Variants in TP63 observed in about 807,000 individuals in gnomAD.
TP63 encodes the protein tumor protein 63.
In TP63, 17 loss-of-function variants were observed where a neutral mutation model predicts 82.8. The observed-to-expected ratio is 0.21, with a 90% CI of 0.14 to 0.31. The LOEUF (loss-of-function observed/expected upper bound fraction) is 0.31. TP63 is among the 10% of genes least tolerant of loss of function. TP63 has a pLI of 1.00. For synonymous variants in TP63, 330 were observed against 321.7 expected (o/e 1.03, Z -0.28); for missense variants, 648 against 895.3 (o/e 0.72, Z 3.52).
chr3:189,733,300 A>G (rs2108787478), intron 1 of TP63, among the ~76,000 whole-genome samples: 1 of 152,310 alleles, frequency 6.6e-6, no homozygotes, highest in Middle Eastern at 3.4e-3. Context: ...TCTTCCTTCT[A>G]TGTAACACTC....
intron 1 of TP63, among the ~76,000 whole-genome samples, chr3:189,665,304 G>A (rs9872590): frequency 0.21 from 32,190 of 152,002 alleles, 4,162 homozygotes; most frequent in Admixed American, 0.31. Context: ...TTAAACATGT[G>A]TCAGCATGCC....
chr3:189,777,623 TC>T (rs1249314680), intron 3 of TP63, among the ~76,000 whole-genome samples: 1 of 151,986 alleles, frequency 6.6e-6, no homozygotes, highest in Non-Finnish European at 1.5e-5. Flanking sequence ...AGGATTCAAC[TC>T]CTTATCTCTT....
In TP63 at chr3:189,862,245, C is replaced by A. The variant is rs144129552; in HGVS notation, c.580-1987C>A. ...ATAAGAGACAGTATGCTTGTAATAC[C>A]TTCCTCTTAGGGTTGTATCAGGATA... On this transcript the variant is annotated intron_variant, in intron 4 of 13. Coordinates refer to ENST00000264731, the MANE Select transcript of TP63 (RefSeq NM_003722.5). Among the ~76,000 whole-genome samples, 109 of 152,170 alleles carry A rather than the reference C, an allele frequency of 7.2e-4. No homozygotes were observed. In the Middle Eastern group the frequency reaches 0.01, roughly 14 times the overall value.
intron 1 of TP63, chr3:189,645,248 C>T (rs990490942): frequency 6.3e-5 from 19 of 300,306 alleles, no homozygotes; most frequent in Non-Finnish European, 1.1e-4. Context: ...TCAAAATATT[C>T]GTACAGTATT....
intron 4 of TP63, among the ~76,000 whole-genome samples, chr3:189,809,873 G>A (rs1358959688): frequency 6.6e-5 from 10 of 152,150 alleles, no homozygotes; most frequent in Non-Finnish European, 1.2e-4. Flanking sequence ...TGAAGAAGTT[G>A]GAGGTTAAGT....
chr3:189,683,760 T>C (rs1156832768), intron 1 of TP63, among the ~76,000 whole-genome samples: 1 of 152,196 alleles, frequency 6.6e-6, no homozygotes, highest in Non-Finnish European at 1.5e-5. Context: ...GTCATTGCAG[T>C]AGCCTGCCAA....
intron 4 of TP63, among the ~76,000 whole-genome samples, chr3:189,857,381 A>C (rs1442740070): frequency 1.3e-5 from 2 of 152,202 alleles, no homozygotes; most frequent in Admixed American, 6.5e-5. Context: ...CAATTGACTG[A>C]AAATATAGTT....
chr3:189,673,788 C>G (rs945566647), intron 1 of TP63, among the ~76,000 whole-genome samples: 3 of 152,114 alleles, frequency 2.0e-5, no homozygotes, highest in South Asian at 2.1e-4. Context: ...TTAGCTTAAA[C>G]TCAGTTTCTA....
chr3:189,704,221 T>C (rs553940800), intron 1 of TP63, among the ~76,000 whole-genome samples: 4 of 152,368 alleles, frequency 2.6e-5, no homozygotes, highest in African/African-American at 7.2e-5. Context: ...GTGGCTGTCC[T>C]GCTCCAACCT....
At chr3:189,668,886 C>T (rs1195120841) in intron 1 of TP63, among the ~76,000 whole-genome samples, 1 of 151,802 alleles carries the variant, frequency 6.6e-6, no homozygotes, top group Non-Finnish European at 1.5e-5. Context: ...ACTGAGATTT[C>T]CCCCAGATTT....
At chr3:189,663,100 G>A (rs13075719) in intron 1 of TP63, among the ~76,000 whole-genome samples, 60,978 of 151,870 alleles carry the variant, frequency 0.4, 13,448 homozygotes, top group Middle Eastern at 0.64. Flanking sequence ...CCACAAAGTG[G>A]TTAAGATCCT....
chr3:189,863,990 T>C (rs1717374668), intron 4 of TP63, among the ~76,000 whole-genome samples: 1 of 152,218 alleles, frequency 6.6e-6, no homozygotes, highest in African/African-American at 2.4e-5. Context: ...AATAATGGCA[T>C]AAATGTGTTT....
chr3:189,839,040 T>TAAAAAAAAAAA (rs5855274), intron 4 of TP63, among the ~76,000 whole-genome samples: 218 of 88,424 alleles, frequency 2.5e-3, no homozygotes, highest in East Asian at 9.3e-3. Context: ...TATCCTAAGC[T>TAAAAAAAAAAA]AAAAAAAAAA....
At chr3:189,632,515 C>T (rs144991252) in intron 1 of TP63, among the ~76,000 whole-genome samples, 71 of 152,198 alleles carry the variant, frequency 4.7e-4, no homozygotes, top group Admixed American at 1.2e-3. Flanking sequence ...CAACGTAGAA[C>T]ACTAATGTGA....
intron 4 of TP63, among the ~76,000 whole-genome samples, chr3:189,824,626 G>T (rs536943858): frequency 1.1e-4 from 17 of 152,078 alleles, no homozygotes; most frequent in Non-Finnish European, 2.4e-4. Flanking sequence ...CTGTCACACG[G>T]CACTGCCCCT....
the TP63 span, among the ~76,000 whole-genome samples, chr3:189,622,582 G>A: frequency 0.013 from 2,047 of 152,240 alleles, 24 homozygotes; most frequent in East Asian, 0.045. Context: ...TTTTGAAGAT[G>A]CAATATAAAG....
chr3:189,825,531 C>T (rs1292650234), intron 4 of TP63, among the ~76,000 whole-genome samples: 1 of 152,082 alleles, frequency 6.6e-6, no homozygotes, highest in Admixed American at 6.6e-5. Context: ...CTTCAAAATA[C>T]CCAGAGGTAT....
At chr3:189,680,198 T>C (rs986303765) in intron 1 of TP63, among the ~76,000 whole-genome samples, 5 of 152,284 alleles carry the variant, frequency 3.3e-5, no homozygotes, top group Non-Finnish European at 5.9e-5. Context: ...GTTTGGATAT[T>C]TAAATATTAA....
At chr3:189,689,026 G>C (rs1716677393) in intron 1 of TP63, among the ~76,000 whole-genome samples, 1 of 147,148 alleles carries the variant, frequency 6.8e-6, no homozygotes. Flanking sequence ...GGGACTCCTG[G>C]AATATCTTCC....
Sources: allele counts gnomAD v4.1 joint callset (sites outside exome capture counted in the v4.1 genomes callset), GRCh38; gene constraint gnomAD v4.1.1; transcripts MANE v1.5; gene names NCBI Gene and HGNC (gene_info 2026-07-23, HGNC 2026-07-21).